The following SLC30A9 variants were observed in gnomAD, a reference collection of about 807,000 sequenced individuals.
SLC30A9 encodes proton-coupled zinc antiporter SLC30A9, mitochondrial.
SLC30A9 carries 58 observed loss-of-function variants against 87.5 expected under a neutral mutation model. The ratio of observed to expected loss-of-function variants is 0.66; its 90% CI spans 0.54 to 0.82. The LOEUF (loss-of-function observed/expected upper bound fraction) is 0.82. SLC30A9 is among the 40% of genes least tolerant of loss of function. The pLI is 0.00. For synonymous variants in SLC30A9, 234 were observed against 233.0 expected, an observed-to-expected ratio of 1.00 and a Z score of -0.04; for missense variants, 557 against 679.1, an observed-to-expected ratio of 0.82 and a Z score of 2.00.
chr4:42,024,962 C>G (rs1166134158), intron 6 of SLC30A9, among the ~76,000 whole-genome samples: 1 of 152,136 alleles, frequency 6.6e-6, no homozygotes, highest in Non-Finnish European at 1.5e-5. Flanking sequence ...AAGTTAGTTT[C>G]ATATGTTCTA....
chr4:42,009,970 A>G (rs544850662), intron 2 of SLC30A9, among the ~76,000 whole-genome samples: 1 of 152,318 alleles, frequency 6.6e-6, no homozygotes, highest in East Asian at 1.9e-4. Flanking sequence ...TGTAGGTTCT[A>G]TAGATAAAGA....
intron 9 of SLC30A9, among the ~76,000 whole-genome samples, chr4:42,054,412 A>T (rs186010282): frequency 6.6e-6 from 1 of 152,222 alleles, no homozygotes; most frequent in Admixed American, 6.5e-5. Flanking sequence ...ATTGTATGTG[A>T]ATTTTACCTC....
At chr4:42,074,072 A>G (rs563010851) in intron 15 of SLC30A9, among the ~76,000 whole-genome samples, 1 of 152,344 alleles carries the variant, frequency 6.6e-6, no homozygotes, top group East Asian at 1.9e-4. Flanking sequence ...GAAAATGAAT[A>G]AATATGTTCT....
intron 9 of SLC30A9, 108 bp downstream of exon 9, chr4:42,049,587 G>A: frequency 1.9e-6 from 1 of 539,252 alleles, no homozygotes; most frequent in Non-Finnish European, 3.1e-6. Flanking sequence ...GTTGGCTTGT[G>A]GGATAAAATA....
intron 6 of SLC30A9, among the ~76,000 whole-genome samples, chr4:42,024,693 G>T (rs1716112392): frequency 6.6e-6 from 1 of 152,110 alleles, no homozygotes; most frequent in Non-Finnish European, 1.5e-5. Context: ...GTGTATGAGG[G>T]AGACTATTTT....
rs911491576 is a variant in SLC30A9, at chr4:42,087,324, T to A, written c.*1198T>A. The A allele has an allele frequency of 2.0e-5, 3 of 152,204 alleles. No homozygotes were observed. Among genetic ancestry groups the A allele is most frequent in the African/African-American group, 7.2e-5 (3 of 41,444 alleles). 9.4% of individuals were successfully genotyped at this position (152,204 alleles called of 1,614,324 possible). A position where few individuals can be genotyped will look rare whatever the true frequency, so the allele number is the denominator to read the frequency against. On this transcript the variant is annotated 3_prime_UTR_variant, in exon 18 of 18. Transcript: ENST00000264451. ...CATCAAAACAACTCATAACATACTT[T>A]AAAATGTTCAGGTAGCAGTGAGCAT...
chr4:42,018,461 G>A, intron 3 of SLC30A9: 1 of 1,233,188 alleles, frequency 8.1e-7, no homozygotes, highest in East Asian at 5.7e-5. Context: ...GGCAATTAAA[G>A]AACAAGAGGC....
intron 8 of SLC30A9, among the ~76,000 whole-genome samples, chr4:42,048,906 C>A (rs931478053): frequency 6.6e-6 from 1 of 152,114 alleles, no homozygotes. Context: ...ACTCTTGTTA[C>A]CTAAACAAAG....
chr4:42,066,357 A>T (rs1294163592), intron 12 of SLC30A9, among the ~76,000 whole-genome samples, 193 bp from the exon 13 acceptor site: 1 of 152,196 alleles, frequency 6.6e-6, no homozygotes, highest in Non-Finnish European at 1.5e-5. Flanking sequence ...ATATTTAATT[A>T]TTATGGTTTA....
chr4:42,004,447 C>T (rs1418706369), intron 2 of SLC30A9, among the ~76,000 whole-genome samples: 4 of 152,076 alleles, frequency 2.6e-5, no homozygotes, highest in South Asian at 4.1e-4. Context: ...TCTGGAACTT[C>T]AATTAGAAAT....
At chr4:41,995,580 A>C (rs969253845) in intron 1 of SLC30A9, among the ~76,000 whole-genome samples, 1 of 152,094 alleles carries the variant, frequency 6.6e-6, no homozygotes, top group Non-Finnish European at 1.5e-5. Flanking sequence ...ATGGCCTAGG[A>C]CTCCAGCTTT....
intron 2 of SLC30A9, among the ~76,000 whole-genome samples, chr4:42,004,483 T>C (rs1577679472): frequency 6.6e-6 from 1 of 152,152 alleles, no homozygotes; most frequent in African/African-American, 2.4e-5. Flanking sequence ...ATGTTTTTCA[T>C]GTCTTTAAAC....
In SLC30A9 at chr4:42,053,695, C is replaced by CAAAAAAAAAA. The variant is rs56190460; in HGVS notation, c.840+4236_840+4245dup. ...TGGATGACAAGAGTGACTCGGTCTC[C>CAAAAAAAAAA]AAAAAAAAAAAAAAAAAAAAAAAAA... On this transcript the variant is annotated intron_variant, in intron 9 of 17. Coordinates refer to ENST00000264451, the MANE Select transcript of SLC30A9 (RefSeq NM_006345.4). Among the ~76,000 whole-genome samples, 29 of 55,922 alleles carry CAAAAAAAAAA rather than the reference C, an allele frequency of 5.2e-4. 4 individuals are homozygous for CAAAAAAAAAA. The highest frequency in any genetic ancestry group is 1.9e-3 in the African/African-American group (20 of 10,538). The allele number at this position is 55,922 out of a possible 152,430, so 36.7% of individuals were successfully genotyped here.
chr4:42,055,455 C>T (rs1348386032), intron 9 of SLC30A9, among the ~76,000 whole-genome samples: 1 of 152,078 alleles, frequency 6.6e-6, no homozygotes, highest in Non-Finnish European at 1.5e-5. Context: ...GGCACAATCT[C>T]GGCTTACTGC....
At chr4:41,994,615 C>T (rs1714611238) in intron 1 of SLC30A9, among the ~76,000 whole-genome samples, 1 of 151,684 alleles carries the variant, frequency 6.6e-6, no homozygotes, top group African/African-American at 2.4e-5. Context: ...GAGAATTTAA[C>T]TTTTATCCCC....
intron 9 of SLC30A9, 59 bp from the exon 10 acceptor site, chr4:42,060,132 C>A: frequency 1.5e-6 from 2 of 1,330,760 alleles, no homozygotes; most frequent in Non-Finnish European, 2.2e-6. Flanking sequence ...ATTGGCTTTA[C>A]CATATTATAC....
At chr4:41,997,148 G>T (rs17530017) in intron 1 of SLC30A9, among the ~76,000 whole-genome samples, 3,842 of 122,974 alleles carry the variant, frequency 0.031, 69 homozygotes, top group African/African-American at 0.046. Flanking sequence ...ATCTCCTATT[G>T]TTTCCTAACT....
Position 42,086,167 on chromosome 4 carries a change from A to G in SLC30A9, c.*41A>G, listed in dbSNP as rs923612774. ...TCACCTGGGTGGGGACCTTGGAAAC[A>G]AGTTTGTCCGTCCACTCTACAAAGT... On this transcript the variant is annotated 3_prime_UTR_variant, in exon 18 of 18. Coordinates refer to ENST00000264451, the MANE Select transcript of SLC30A9 (RefSeq NM_006345.4). 2.3e-6 allele frequency: 3 copies of G among 1,307,568 alleles called. No individual in the cohort carries two copies. The highest frequency in any genetic ancestry group is 2.7e-5 in the African/African-American group (2 of 73,226). The allele number at this position is 1,307,568 out of a possible 1,614,324, so 81.0% of individuals were successfully genotyped here.
intron 3 of SLC30A9, among the ~76,000 whole-genome samples, chr4:42,019,866 T>G (rs1715873011): frequency 6.6e-6 from 1 of 152,144 alleles, no homozygotes; most frequent in African/African-American, 2.4e-5. Flanking sequence ...ATGATCTGGC[T>G]CACTGCAACC....
Sources: allele counts gnomAD v4.1 joint callset (sites outside exome capture counted in the v4.1 genomes callset), GRCh38; gene constraint gnomAD v4.1.1; transcripts MANE v1.5; gene names NCBI Gene and HGNC (gene_info 2026-07-23, HGNC 2026-07-21).